OPTC: variants seen among roughly 807,000 people sequenced by gnomAD.
The protein encoded by OPTC is oculoglycan.
A neutral mutation model predicts 25.4 loss-of-function variants in OPTC; 22 were observed. The observed-to-expected ratio is 0.87, with a 90% CI of 0.62 to 1.24. The LOEUF (loss-of-function observed/expected upper bound fraction) is 1.24. OPTC is among the 50% of genes most tolerant of loss of function. The pLI, the probability that OPTC is intolerant of heterozygous loss-of-function variation, is 0.00. For synonymous variants in OPTC, 169 were observed against 179.3 expected, an observed-to-expected ratio of 0.94 and a Z score of 0.46; for missense variants, 417 against 425.2, an observed-to-expected ratio of 0.98 and a Z score of 0.17.
chr1:203,500,092 C>A (rs201186889), intron 5 of OPTC, among the ~76,000 whole-genome samples: 7 of 16,826 alleles, frequency 4.2e-4, no homozygotes, highest in African/African-American at 2.1e-4. Flanking sequence ...CCACCACCAC[C>A]CACCTCCACC....
In OPTC at chr1:203,496,010, G is replaced by A. The variant is rs550234083; in HGVS notation, c.5G>A (p.Arg2Lys). The A allele has an allele frequency of 2.7e-5, 44 of 1,611,158 alleles. 1 individual carries two copies. The South Asian group carries it at 4.5e-4, about 17-fold the overall frequency. M[R>K]LLAFLSLLAL... ...CTCAGTCCCATCTGACTCCCCATGA[G>A]GCTCCTGGCTTTCCTGAGTCTGCTG... Residue 2 changes from arginine to lysine, a missense_variant, in exon 2 of 8, where the codon AGG becomes AAG. By Grantham distance (26) the Arg-to-Lys change is conservative. Transcript: ENST00000367222.
rs904334094 is a variant in OPTC at position 203,499,713 on chromosome 1, C to A, written c.594C>A (p.Arg198=). The change falls in exon 5 of 8, where the codon CGC becomes CGA. Residue 198 remains arginine, a synonymous_variant. Coordinates refer to ENST00000367222, the MANE Select transcript of OPTC (RefSeq NM_014359.4). The part of the protein sequence containing the change: ...LISSIDNDAF[R]LLHALQDLIL... ...CCTCCATCGATAATGATGCCTTCCG[C>A]CTGCTACATGCCCTCCAGGACCTCA... 1 of 1,613,472 alleles carries A rather than the reference C, an allele frequency of 6.2e-7. No homozygotes were observed. The highest frequency in any genetic ancestry group is 1.3e-5 in the African/African-American group (1 of 74,844).
chr1:203,502,992 C>G lies in OPTC; in HGVS notation c.811C>G (p.Arg271Gly). 1.9e-6 allele frequency: 3 copies of G among 1,613,556 alleles called. No homozygotes were observed. The highest frequency in any genetic ancestry group is 3.3e-4 in the Middle Eastern group (2 of 6,062). ...CCCGGGGCCTTTGCCCCTGAGCCTGCGCTCTGTACACCTGCAGGTAAGGAG... is the reference window on the plus strand; with the variant it reads ...CCCGGGGCCTTTGCCCCTGAGCCTGGGCTCTGTACACCTGCAGGTAAGGAG... ...SIPGPLPLSL[R>G]SVHLQNNLIE... Residue 271 changes from arginine to glycine, a missense_variant, in exon 6 of 8, where the codon CGC (arginine) becomes GGC (glycine). Coordinates refer to ENST00000367222, the MANE Select transcript of OPTC (RefSeq NM_014359.4).
chr1:203,503,049 G>A, intron 6 of OPTC, 40 bp downstream of exon 6: 1 of 1,518,554 alleles, frequency 6.6e-7, no homozygotes. Context: ...TAAACAGCGT[G>A]GAGGATGGAA....
intron 7 of OPTC, among the ~76,000 whole-genome samples, chr1:203,507,413 T>C (rs1471523066): frequency 6.6e-6 from 1 of 152,158 alleles, no homozygotes; most frequent in Non-Finnish European, 1.5e-5. Context: ...GCCGGCAGTC[T>C]AGGTTTGCAT....
At chr1:203,501,044 T>G (rs1661384159) in intron 5 of OPTC, among the ~76,000 whole-genome samples, 1 of 152,198 alleles carries the variant, frequency 6.6e-6, no homozygotes, top group South Asian at 2.1e-4. Flanking sequence ...TCCAAAACCC[T>G]TCAGTAAGTG....
intron 3 of OPTC, 94 bp from the exon 4 acceptor site, chr1:203,498,587 C>A: frequency 6.7e-7 from 1 of 1,498,198 alleles, no homozygotes; most frequent in Non-Finnish European, 9.3e-7. Flanking sequence ...CAAAAAGGCA[C>A]AGATGGCCAT....
In OPTC at chr1:203,496,145, G is replaced by T. The variant is rs142959153; in HGVS notation, c.140G>T (p.Arg47Leu). Residue 47 changes from arginine to leucine, a missense_variant, in exon 2 of 8, where the codon CGG (arginine) becomes CTG (leucine). Physicochemically the swap from Arg to Leu is moderately radical, Grantham distance 102. Transcript: ENST00000367222. ...EGDSFEVLPLRNDVLNPDNYG... is the reference protein window; with the variant it reads ...EGDSFEVLPLLNDVLNPDNYG... ...GATTCCTTTGAAGTTCTGCCTCTGC[G>T]GAATGATGTCCTGAACCCAGACAAC... is the stretch of plus-strand genomic sequence containing the variant. 7.4e-6 allele frequency: 12 copies of T among 1,613,986 alleles called. No homozygotes were observed. Among genetic ancestry groups the T allele is most frequent in the Non-Finnish European group, 3.4e-6 (4 of 1,180,016 alleles).
chr1:203,499,567 A>G, intron 4 of OPTC, 82 bp from the exon 5 acceptor site: 1 of 1,117,954 alleles, frequency 8.9e-7, no homozygotes, highest in Non-Finnish European at 1.4e-6. Context: ...GGATGGAGCA[A>G]GGTGTGGAGA....
intron 7 of OPTC, among the ~76,000 whole-genome samples, chr1:203,505,332 C>T (rs1446242228): frequency 6.6e-6 from 1 of 152,166 alleles, no homozygotes; most frequent in Non-Finnish European, 1.5e-5. Flanking sequence ...TGAATGCTTA[C>T]AAGAGGAGGA....
At chr1:203,508,068 G>A (rs1027088003) in intron 7 of OPTC, among the ~76,000 whole-genome samples, 1 of 152,198 alleles carries the variant, frequency 6.6e-6, no homozygotes, top group African/African-American at 2.4e-5. Flanking sequence ...AAAATGAGAG[G>A]CTAAGTACTT....
intron 5 of OPTC, among the ~76,000 whole-genome samples, chr1:203,502,428 T>C (rs1211596035): frequency 6.6e-6 from 1 of 152,168 alleles, no homozygotes; most frequent in East Asian, 1.9e-4. Context: ...GCATGAGGCT[T>C]AGGCAGCTGT....
At chr1:203,504,318 G>T (rs1359709223) in intron 7 of OPTC, among the ~76,000 whole-genome samples, 2 of 151,952 alleles carry the variant, frequency 1.3e-5, no homozygotes, top group Non-Finnish European at 2.9e-5. Flanking sequence ...TATTAATCGT[G>T]CCCTTGAAGT....
chr1:203,495,995 T>C lies in OPTC; in HGVS notation c.-11T>C, dbSNP rs888927859. On this transcript the variant is annotated 5_prime_UTR_variant, in exon 2 of 8. Transcript: ENST00000367222. Reference sequence around the variant, plus strand: ...GCCGCTGAAGGGATTCTCAGTCCCATCTGACTCCCCATGAGGCTCCTGGCT... The same window carrying C: ...GCCGCTGAAGGGATTCTCAGTCCCACCTGACTCCCCATGAGGCTCCTGGCT... 1 of 1,600,334 alleles carries C rather than the reference T, an allele frequency of 6.2e-7. No individual in the cohort carries two copies.
At chr1:203,505,489 G>A (rs4971243) in intron 7 of OPTC, among the ~76,000 whole-genome samples, 23,337 of 152,168 alleles carry the variant, frequency 0.15, 1,934 homozygotes, top group East Asian at 0.32. Flanking sequence ...TGTTTCTTGT[G>A]GGCCACGTGG....
In OPTC at chr1:203,501,812, C is replaced by T. The variant is rs543292225; in HGVS notation, c.733-1102C>T. 3.3e-5 allele frequency among the ~76,000 whole-genome samples: 5 copies of T among 152,122 alleles called. No individual in the cohort carries two copies. In the South Asian group the frequency reaches 8.3e-4, roughly 25 times the overall value. On this transcript the variant is annotated intron_variant, in intron 5 of 7. Transcript: ENST00000367222. ...TAGACTGGGAATCAGAAGCCGGCCA[C>T]GTGACCCCGGGCCTCAGTTTTTCGG...
chr1:203,498,977 G>A (rs1005838327), intron 4 of OPTC, 138 bp downstream of exon 4: 2 of 943,000 alleles, frequency 2.1e-6, no homozygotes, highest in South Asian at 2.8e-5. Context: ...AGCTGTCAAA[G>A]GGAAATAGCC....
intron 6 of OPTC, 72 bp from the exon 7 acceptor site, chr1:203,503,478 G>T: frequency 6.8e-7 from 1 of 1,474,746 alleles, no homozygotes; most frequent in South Asian, 1.1e-5. Context: ...AGGGACAGCT[G>T]ATGTGAGCCT....
In OPTC at chr1:203,503,475, G is replaced by C. The variant is rs1661424052; in HGVS notation, c.829-75G>C. On this transcript the variant is annotated intron_variant, in intron 6 of 7. Coordinates refer to ENST00000367222, the MANE Select transcript of OPTC (RefSeq NM_014359.4). ...AGAGCAGGCAGAGCTGGTAGGGACA[G>C]CTGATGTGAGCCTTTGGTGCTGCTT... 19 of 1,448,064 alleles carry C rather than the reference G, an allele frequency of 1.3e-5. No individual in the cohort carries two copies. The Admixed American group carries it at 3.0e-4, about 23-fold the overall frequency. The allele number at this position is 1,448,064 out of a possible 1,614,324, so 89.7% of individuals were successfully genotyped here. A position where few individuals can be genotyped will look rare whatever the true frequency, so the allele number is the denominator to read the frequency against.
Sources: allele counts gnomAD v4.1 joint callset (sites outside exome capture counted in the v4.1 genomes callset), GRCh38; gene constraint gnomAD v4.1.1; transcripts MANE v1.5; gene names NCBI Gene and HGNC (gene_info 2026-07-23, HGNC 2026-07-21).